The following LARGE1 variants were observed in gnomAD, a reference collection of about 807,000 sequenced individuals.
LARGE1 encodes the protein xylosyl- and glucuronyltransferase LARGE1.
In LARGE1, 43 loss-of-function variants were observed where a neutral mutation model predicts 87.6. That is an observed-to-expected ratio of 0.49 (90% CI 0.38 to 0.63). LARGE1 has a LOEUF of 0.63. Among genes scored for constraint, LARGE1 ranks in the 30% least tolerant of loss-of-function variants. The probability of loss-of-function intolerance (pLI) is 0.00; values close to 1 mark genes in which losing one functional copy is unlikely to be tolerated. For synonymous variants in LARGE1, 434 were observed against 394.6 expected (o/e 1.10, Z -1.18); for missense variants, 802 against 1,000.2 (o/e 0.80, Z 2.67).
chr22:33,690,566 G>A (rs2082070912), intron 2 of LARGE1, among the ~76,000 whole-genome samples: 1 of 151,764 alleles, frequency 6.6e-6, no homozygotes, highest in Admixed American at 6.6e-5. Context: ...TGGGGAAAAA[G>A]AGGGAGGGAA....
At chr22:33,530,664 C>G (rs1303282652) in intron 6 of LARGE1, among the ~76,000 whole-genome samples, 6 of 152,116 alleles carry the variant, frequency 3.9e-5, no homozygotes. Flanking sequence ...GGACCATGTC[C>G]CATGAGGATC....
At position 33,707,732 on chromosome 22, in the gene LARGE1, T is replaced by C. The variant is rs147595881; in HGVS notation, c.106+53639A>G. Among the ~76,000 whole-genome samples the C allele has an allele frequency of 7.8e-3, 1,184 of 152,368 alleles. 12 individuals carry two copies. Among genetic ancestry groups the C allele is most frequent in the Non-Finnish European group, 0.014 (986 of 68,036 alleles). ...GCAAAAGAAGAGGATTTTGTGTCTC[T>C]TTTTAGTTTCCAGATGGAGCTGCCT... On this transcript the variant is annotated intron_variant, in intron 2 of 14. Transcript: ENST00000397394.
At chr22:33,457,713 G>C (rs12158367) in intron 6 of LARGE1, among the ~76,000 whole-genome samples, 3,915 of 152,084 alleles carry the variant, frequency 0.026, 176 homozygotes, top group African/African-American at 0.09. Flanking sequence ...TTGCACCTGA[G>C]GGAGCCAAAG....
chr22:33,620,739 T>C (rs897752089), intron 4 of LARGE1, among the ~76,000 whole-genome samples: 2 of 152,044 alleles, frequency 1.3e-5, no homozygotes, highest in African/African-American at 4.8e-5. Flanking sequence ...CAGGCTAACA[T>C]GGTAAAACCC....
intron 7 of LARGE1, 117 bp from the exon 8 acceptor site, chr22:33,384,421 G>A (rs2065257647): frequency 1.3e-6 from 1 of 783,908 alleles, no homozygotes; most frequent in Admixed American, 2.0e-5. Flanking sequence ...ATGCAGACAA[G>A]AGGCCTATGC....
intron 1 of LARGE1, among the ~76,000 whole-genome samples, chr22:33,820,212 C>A (rs537234122): frequency 6.6e-6 from 1 of 152,286 alleles, no homozygotes; most frequent in Admixed American, 6.5e-5. Flanking sequence ...TGAAAATTTG[C>A]AAAACCCCCC....
At position 33,886,672 on chromosome 22, in the gene LARGE1, AAAG is replaced by A. The variant is rs1400402040; in HGVS notation, c.-83+33320_-83+33322del. Reference sequence around the variant, plus strand: ...AGATTCTGCCAAAAAAAAAAAAAAAAAAGAAAAAAAAAGGAAGGGAGGGAGGGA... The same window carrying A: ...AGATTCTGCCAAAAAAAAAAAAAAAAAAAAAAAAAGGAAGGGAGGGAGGGA... On this transcript the variant is annotated intron_variant, in intron 1 of 14. Transcript: ENST00000397394. Among the ~76,000 whole-genome samples the A allele has an allele frequency of 4.5e-3, 610 of 136,062 alleles. 61 individuals are homozygous for A. Among genetic ancestry groups the A allele is most frequent in the Middle Eastern group, 0.011 (3 of 266 alleles). 89.3% of individuals were successfully genotyped at this position (136,062 alleles called of 152,430 possible).
intron 1 of LARGE1, among the ~76,000 whole-genome samples, chr22:33,828,881 G>A (rs1485817783): frequency 2.6e-5 from 4 of 152,080 alleles, no homozygotes; most frequent in African/African-American, 7.2e-5. Context: ...ATCAAGGTCC[G>A]TGTACTTGCT....
At chr22:33,072,391 A>G in the LARGE1 span, among the ~76,000 whole-genome samples, 2 of 152,190 alleles carry the variant, frequency 1.3e-5, no homozygotes, top group Admixed American at 6.5e-5. Flanking sequence ...TTCCAGGGAA[A>G]TGAAAAAGAA....
intron 7 of LARGE1, among the ~76,000 whole-genome samples, chr22:33,405,117 A>C (rs752072820): frequency 6.6e-6 from 1 of 152,166 alleles, no homozygotes; most frequent in Non-Finnish European, 1.5e-5. Flanking sequence ...CTTTCTAGGG[A>C]GAAAGATCGT....
At chr22:33,579,881 C>A (rs1350684860) in intron 5 of LARGE1, among the ~76,000 whole-genome samples, 1 of 152,230 alleles carries the variant, frequency 6.6e-6, no homozygotes, top group Non-Finnish European at 1.5e-5. Flanking sequence ...CTTAATAGCA[C>A]AGCTCTGTAA....
intron 4 of LARGE1, among the ~76,000 whole-genome samples, chr22:33,617,253 C>A (rs185547667): frequency 6.1e-4 from 93 of 152,336 alleles, no homozygotes; most frequent in Non-Finnish European, 1.3e-3. Flanking sequence ...AGGCTTATTT[C>A]ATTCTTTATA....
intron 11 of LARGE1, among the ~76,000 whole-genome samples, chr22:33,265,540 G>C (rs772461539): frequency 6.6e-6 from 1 of 152,152 alleles, no homozygotes; most frequent in African/African-American, 2.4e-5. Context: ...CCGGCCTGGA[G>C]TGAGCACCCT....
chr22:33,626,373 G>C, intron 3 of LARGE1, 47 bp from the exon 4 acceptor site: 1 of 1,464,310 alleles, frequency 6.8e-7, no homozygotes. Flanking sequence ...GACGGAAGGA[G>C]GCCTTCCTGG....
At chr22:33,279,339 T>TG (rs1929990726) in intron 13 of LARGE1, among the ~76,000 whole-genome samples, 1 of 152,052 alleles carries the variant, frequency 6.6e-6, no homozygotes, top group South Asian at 2.1e-4. Flanking sequence ...AGAGAGGAAG[T>TG]GGAAGTCTGG....
At chr22:33,358,997 TAAAAA>T (rs35961638) in intron 9 of LARGE1, among the ~76,000 whole-genome samples, 1 of 141,776 alleles carries the variant, frequency 7.1e-6, no homozygotes, top group African/African-American at 2.6e-5. Flanking sequence ...GACTCCATCT[TAAAAA>T]AAAAAAAAAA....
chr22:33,734,217 T>G (rs150177364), intron 2 of LARGE1, among the ~76,000 whole-genome samples: 26 of 152,342 alleles, frequency 1.7e-4, no homozygotes, highest in Admixed American at 3.3e-4. Context: ...TTTGATTATC[T>G]GCAAAGACCC....
intron 1 of LARGE1, among the ~76,000 whole-genome samples, chr22:33,867,661 A>C (rs1332624727): frequency 6.6e-6 from 1 of 152,222 alleles, no homozygotes; most frequent in Non-Finnish European, 1.5e-5. Flanking sequence ...GGATGGAGCC[A>C]CGTTGAATCA....
At chr22:33,521,967 G>T (rs2071622899) in intron 6 of LARGE1, among the ~76,000 whole-genome samples, 1 of 152,160 alleles carries the variant, frequency 6.6e-6, no homozygotes, top group African/African-American at 2.4e-5. Flanking sequence ...CAAGTCACAT[G>T]GCAAGAACAG....
Sources: allele counts gnomAD v4.1 joint callset (sites outside exome capture counted in the v4.1 genomes callset), GRCh38; gene constraint gnomAD v4.1.1; transcripts MANE v1.5; gene names NCBI Gene and HGNC (gene_info 2026-07-23, HGNC 2026-07-21).